Variants in FKBP15 observed in about 807,000 individuals in gnomAD.
FKBP15 encodes FKBP prolyl isomerase family member 15.
A neutral mutation model predicts 158.1 loss-of-function variants in FKBP15; 106 were observed. That is an observed-to-expected ratio of 0.67 (90% CI 0.57 to 0.79). The LOEUF is 0.79. Ranked by LOEUF, FKBP15 falls within the 30% of genes least tolerant of loss-of-function variation. FKBP15 has a pLI of 0.00. For synonymous variants in FKBP15, 547 were observed against 548.6 expected, an observed-to-expected ratio of 1.00 and a Z score of 0.04; for missense variants, 1,287 against 1,479.1, an observed-to-expected ratio of 0.87 and a Z score of 2.13.
intron 18 of FKBP15, 54 bp downstream of exon 18, chr9:113,183,697 T>C (rs775794987): frequency 1.9e-4 from 221 of 1,160,650 alleles, no homozygotes; most frequent in Non-Finnish European, 2.7e-4. Flanking sequence ...AAGCTGGGCA[T>C]ATACATAATA....
chr9:113,207,207 C>A lies in FKBP15; in HGVS notation c.254+5G>T. 1 of 1,610,404 alleles carries A rather than the reference C, an allele frequency of 6.2e-7. No individual in the cohort carries two copies. Among genetic ancestry groups the A allele is most frequent in the Non-Finnish European group, 8.5e-7 (1 of 1,177,340 alleles). On this transcript the variant is annotated splice_donor_5th_base_variant and intron_variant, in intron 3 of 27. Coordinates refer to ENST00000238256, the MANE Select transcript of FKBP15 (RefSeq NM_015258.2). ...TTCAGAGGGTGTTCCTTCTCAGCGACTTACTATCGATATGCATGGACTGCT... is the reference window on the plus strand; with the variant it reads ...TTCAGAGGGTGTTCCTTCTCAGCGAATTACTATCGATATGCATGGACTGCT...
In FKBP15 at chr9:113,161,959, GC is replaced by G; in HGVS notation, c.*4118del. ...AGGGAACAGTGATCTTCAGGTGCAG[GC>G]CCCTATCTAGCAAATGAGGTGGCCA... On this transcript the variant is annotated 3_prime_UTR_variant, in exon 28 of 28. Transcript: ENST00000238256. 1 of 567,270 alleles carries G rather than the reference GC, an allele frequency of 1.8e-6. No homozygotes were observed. The highest frequency in any genetic ancestry group is 1.7e-5 in the South Asian group (1 of 58,132). 35.1% of individuals were successfully genotyped at this position (567,270 alleles called of 1,614,324 possible).
Position 113,162,921 on chromosome 9 carries a change from G to T in FKBP15, c.*3157C>A. 1.9e-6 allele frequency: 3 copies of T among 1,601,494 alleles called. No individual in the cohort carries two copies. The highest frequency in any genetic ancestry group is 2.6e-6 in the Non-Finnish European group (3 of 1,174,278). On this transcript the variant is annotated 3_prime_UTR_variant, in exon 28 of 28. Transcript: ENST00000238256. The stretch of plus-strand genomic sequence containing the variant: ...CCCACTTCTCAGCACAGCTTAGCTG[G>T]TGAGGAACGTGCAGGCACTGAGGCT...
chr9:113,176,582 C>T lies in FKBP15; in HGVS notation c.2178G>A (p.Glu726=). The T allele has an allele frequency of 6.4e-7, 1 of 1,572,250 alleles. No individual in the cohort carries two copies. The highest frequency in any genetic ancestry group is 1.3e-5 in the African/African-American group (1 of 74,382). ...KQLELKVTSL[E]EELTDLRVEK... The stretch of plus-strand genomic sequence containing the variant: ...CAACTCGAAGGTCAGTCAGTTCCTC[C>T]TCCAGGGATGTCACCTTGAGTTCCA... Residue 726 remains glutamate, a synonymous_variant, in exon 21 of 28, where the codon GAG becomes GAA. Transcript: ENST00000238256.
At chr9:113,172,814 G>A (rs776564029) in intron 23 of FKBP15, among the ~76,000 whole-genome samples, 55 of 152,148 alleles carry the variant, frequency 3.6e-4, no homozygotes, top group Non-Finnish European at 2.1e-4. Context: ...GTTTTCAACT[G>A]GACACTTTAA....
In FKBP15 at chr9:113,198,772, A is replaced by T; in HGVS notation, c.717+83T>A. The T allele has an allele frequency of 1.0e-6, 1 of 982,404 alleles. No individual in the cohort carries two copies. Among genetic ancestry groups the T allele is most frequent in the Non-Finnish European group, 1.5e-6 (1 of 666,244 alleles). 60.9% of individuals were successfully genotyped at this position (982,404 alleles called of 1,614,324 possible). A position where few individuals can be genotyped will look rare whatever the true frequency, so the allele number is the denominator to read the frequency against. ...CGTCTCAAAAAATAAAAATAAAATAAAAAAAGGAATTCCACAAAATTTAAT... is the reference window on the plus strand; with the variant it reads ...CGTCTCAAAAAATAAAAATAAAATATAAAAAGGAATTCCACAAAATTTAAT... On this transcript the variant is annotated intron_variant, in intron 8 of 27. Transcript: ENST00000238256. This position sits in a 1 kb window ranked among gnomAD's most constrained non-coding sequence, Gnocchi z 5.2.
Position 113,176,680 on chromosome 9 carries a change from T to C in FKBP15, c.2087-7A>G. ...TCAGAGGTTTCTTGGAGCTCTGGGA[T>C]ACAGGAGCAGAGAGACTTCGCTACA... On this transcript the variant is annotated splice_region_variant and splice_polypyrimidine_tract_variant and intron_variant, in intron 20 of 27. Transcript: ENST00000238256. 1 of 1,609,104 alleles carries C rather than the reference T, an allele frequency of 6.2e-7. No individual in the cohort carries two copies. The highest frequency in any genetic ancestry group is 8.5e-7 in the Non-Finnish European group (1 of 1,177,228).
At position 113,169,481 on chromosome 9, in the gene FKBP15, T is replaced by A. The variant is rs746114964; in HGVS notation, c.3228A>T (p.Gly1076=). ...GTGCTACTTCCCTGACACAGACCTT[T>A]CCTGATGGGTTGTCGGGCTTAGCTG... is the stretch of plus-strand genomic sequence containing the variant. ...PMAAKPDNPS[G]KVCVREVAPD... is the part of the protein sequence containing the mutation. Residue 1076 remains glycine, a synonymous_variant, in exon 26 of 28, where the codon GGA becomes GGT. Transcript: ENST00000238256. 5 of 1,614,026 alleles carry A rather than the reference T, an allele frequency of 3.1e-6. No individual in the cohort carries two copies. In the South Asian group the frequency reaches 5.5e-5, roughly 18 times the overall value.
intron 15 of FKBP15, 146 bp downstream of exon 15, chr9:113,186,103 G>A (rs1236446119): frequency 4.9e-6 from 3 of 616,060 alleles, no homozygotes; most frequent in Non-Finnish European, 8.6e-6. Context: ...ATGAATGTGT[G>A]GAATACATAT....
intron 27 of FKBP15, 130 bp from the exon 28 acceptor site, chr9:113,166,285 A>ACCTCCTTTCTGTTCCC: frequency 1.3e-6 from 1 of 748,796 alleles, no homozygotes; most frequent in Non-Finnish European, 2.2e-6. Context: ...TGACAGGGCC[A>ACCTCCTTTCTGTTCCC]ACTCTGAGGC....
Position 113,161,837 on chromosome 9 carries a change from C to T in FKBP15, c.*4241G>A, listed in dbSNP as rs1170413433. 2 of 903,972 alleles carry T rather than the reference C, an allele frequency of 2.2e-6. No individual in the cohort carries two copies. The highest frequency in any genetic ancestry group is 2.8e-5 in the South Asian group (2 of 72,106). The allele number at this position is 903,972 out of a possible 1,614,324, so 56.0% of individuals were successfully genotyped here. On this transcript the variant is annotated 3_prime_UTR_variant, in exon 28 of 28. Coordinates refer to ENST00000238256, the MANE Select transcript of FKBP15 (RefSeq NM_015258.2). ...GGACCAGGACTTGCCAAAGTGGCTA[C>T]ACATAGCCAAGTGAACTAGAGCTCA...
chr9:113,182,896 C>T (rs149573551), intron 18 of FKBP15, 28 bp from the exon 19 acceptor site: 1 of 1,586,290 alleles, frequency 6.3e-7, no homozygotes, highest in African/African-American at 1.3e-5. Flanking sequence ...AAAAAGAAAA[C>T]ATTTATCAAG....
rs755760185 is a variant in FKBP15 at position 113,221,186 on chromosome 9, C to T, written c.53+5G>A. 6.2e-7 allele frequency: 1 copy of T among 1,604,572 alleles called. No individual in the cohort carries two copies. Among genetic ancestry groups the T allele is most frequent in the Admixed American group, 1.7e-5 (1 of 59,084 alleles). On this transcript the variant is annotated splice_donor_5th_base_variant and intron_variant, in intron 1 of 27. Coordinates refer to ENST00000238256, the MANE Select transcript of FKBP15 (RefSeq NM_015258.2). Reference sequence around the variant, plus strand: ...CCCTCCAGCGCATACTTCTCAGTCACTCACCCGCCGCTCGGCGAGAGGAAA... The same window carrying T: ...CCCTCCAGCGCATACTTCTCAGTCATTCACCCGCCGCTCGGCGAGAGGAAA...
chr9:113,194,279 G>T, intron 9 of FKBP15, 110 bp from the exon 10 acceptor site: 1 of 794,444 alleles, frequency 1.3e-6, no homozygotes, highest in Non-Finnish European at 2.0e-6. Flanking sequence ...GGTGGGGGTA[G>T]AGGGGAGGGA....
chr9:113,190,637 G>T, intron 11 of FKBP15, 59 bp from the exon 12 acceptor site: 1 of 1,287,224 alleles, frequency 7.8e-7, no homozygotes, highest in Non-Finnish European at 1.1e-6. Flanking sequence ...CCTTCAGGCA[G>T]CTCTATCCCT....
At chr9:113,199,606 C>T (rs1399699662) in intron 7 of FKBP15, among the ~76,000 whole-genome samples, 2 of 152,136 alleles carry the variant, frequency 1.3e-5, no homozygotes, top group African/African-American at 4.8e-5. Context: ...CCCACTTTCC[C>T]TAAGTAGAAG....
At chr9:113,203,379 T>C (rs760429468) in intron 4 of FKBP15, among the ~76,000 whole-genome samples, 1 of 152,186 alleles carries the variant, frequency 6.6e-6, no homozygotes, top group Non-Finnish European at 1.5e-5. Context: ...ATGTTCATTA[T>C]ACATATATGT....
chr9:113,163,025 T>A lies in FKBP15; in HGVS notation c.*3053A>T. ...TCTGATGGCTATTCCTCCACCTTAT[T>A]CCCAGCCCCTGGAAACTTTGAGCTG... On this transcript the variant is annotated 3_prime_UTR_variant, in exon 28 of 28. Coordinates refer to ENST00000238256, the MANE Select transcript of FKBP15 (RefSeq NM_015258.2). The A allele has an allele frequency of 9.1e-7, 1 of 1,098,956 alleles. No homozygotes were observed. 68.1% of individuals were successfully genotyped at this position (1,098,956 alleles called of 1,614,324 possible). A position where few individuals can be genotyped will look rare whatever the true frequency, so the allele number is the denominator to read the frequency against.
At chr9:113,177,778 G>C (rs140805909) in intron 20 of FKBP15, among the ~76,000 whole-genome samples, 1,865 of 152,248 alleles carry the variant, frequency 0.012, 40 homozygotes, top group African/African-American at 0.042. Flanking sequence ...CTGCCCACTA[G>C]TCCCATGTCT....
Sources: allele counts gnomAD v4.1 joint callset (sites outside exome capture counted in the v4.1 genomes callset), GRCh38; gene constraint gnomAD v4.1.1; non-coding constraint Gnocchi (gnomAD v3.1); transcripts MANE v1.5; gene names NCBI Gene and HGNC (gene_info 2026-07-23, HGNC 2026-07-21).